The following SFSWAP variants were observed in gnomAD, a reference collection of about 807,000 sequenced individuals.
SFSWAP encodes splicing factor, suppressor of white-apricot homolog.
Under a neutral mutation model 100.7 loss-of-function variants are expected in SFSWAP, and 17 were observed. The observed-to-expected ratio is 0.17, with a 90% CI of 0.12 to 0.25. The LOEUF (loss-of-function observed/expected upper bound fraction) is 0.25. Among genes scored for constraint, SFSWAP ranks in the 10% least tolerant of loss-of-function variants. The probability of loss-of-function intolerance (pLI) is 1.00; values close to 1 mark genes in which losing one functional copy is unlikely to be tolerated. For missense variants in SFSWAP, 1,005 were observed against 1,262.6 expected (o/e 0.80, Z 3.09); for synonymous variants, 504 against 510.1 (o/e 0.99, Z 0.16).
chr12:131,770,329 G>A (rs961611753), intron 13 of SFSWAP, among the ~76,000 whole-genome samples: 2 of 152,202 alleles, frequency 1.3e-5, no homozygotes, highest in Non-Finnish European at 2.9e-5. Flanking sequence ...AGGGCACGTC[G>A]GCACCAGGAG....
Position 131,725,672 on chromosome 12 carries a change from T to TGTTGTGGGGGCGGCAGGCTGGGTG in SFSWAP, c.832+46_832+69dup. ...CTGTTCCGTCCAGACTTTGGGCCTG[T>TGTTGTGGGGGCGGCAGGCTGGGTG]GTTGTGGGGGCGGCAGGCTGGGTGG... On this transcript the variant is annotated intron_variant, in intron 5 of 17. Transcript: ENST00000261674. This position sits in a 1 kb window ranked among gnomAD's most constrained non-coding sequence, Gnocchi z 4.3. 2 of 1,477,176 alleles carry TGTTGTGGGGGCGGCAGGCTGGGTG rather than the reference T, an allele frequency of 1.4e-6. No individual in the cohort carries two copies. The highest frequency in any genetic ancestry group is 4.6e-5 in the East Asian group (2 of 43,244). The allele number at this position is 1,477,176 out of a possible 1,614,324, so 91.5% of individuals were successfully genotyped here.
rs762743632 is a variant in SFSWAP at position 131,728,386 on chromosome 12, G to A, written c.1039G>A (p.Gly347Ser). The A allele has an allele frequency of 1.6e-5, 26 of 1,614,234 alleles. No homozygotes were observed. Among genetic ancestry groups the A allele is most frequent in the Admixed American group, 1.3e-4 (8 of 60,024 alleles). The change falls in exon 7 of 18, where the codon GGT becomes AGT. Residue 347 changes from glycine (G) to serine (S), a missense_variant. Transcript: ENST00000261674. ...CACTCCCACCCCACACAACGCAGAC[G>A]GTGCGCCTGTGCAGCCCTCCCAGGT... Reference protein sequence around the residue: ...SSTPTPHNADGAPVQPSQVEY... With the variant: ...SSTPTPHNADSAPVQPSQVEY...
intron 7 of SFSWAP, among the ~76,000 whole-genome samples, chr12:131,743,771 C>T (rs1197276991): frequency 2.0e-5 from 3 of 152,256 alleles, no homozygotes; most frequent in Admixed American, 6.5e-5. Context: ...CTCCACACTG[C>T]CCTAGCAAAG....
intron 15 of SFSWAP, among the ~76,000 whole-genome samples, chr12:131,788,596 G>A (rs1358604527): frequency 6.7e-6 from 1 of 149,340 alleles, no homozygotes; most frequent in Admixed American, 6.7e-5. Flanking sequence ...CGTAATCACA[G>A]CTCACTGCAG....
At position 131,740,551 on chromosome 12, in the gene SFSWAP, C is replaced by T. The variant is rs146724001; in HGVS notation, c.1081+12123C>T. On this transcript the variant is annotated intron_variant, in intron 7 of 17. Coordinates refer to ENST00000261674, the MANE Select transcript of SFSWAP (RefSeq NM_004592.4). ...TGCCTCGAGCACCTTTCCTGTCCCACGCATTGGTGCCTCTGCTTGAAGGAC... is the reference window on the plus strand; with the variant it reads ...TGCCTCGAGCACCTTTCCTGTCCCATGCATTGGTGCCTCTGCTTGAAGGAC... Among the ~76,000 whole-genome samples the T allele has an allele frequency of 2.2e-4, 34 of 152,264 alleles. No homozygotes were observed. The East Asian group carries it at 4.2e-3, about 19-fold the overall frequency.
intron 9 of SFSWAP, 126 bp downstream of exon 9, chr12:131,754,625 G>GTAT: frequency 7.5e-5 from 10 of 133,112 alleles, no homozygotes; most frequent in Middle Eastern, 3.8e-3. Flanking sequence ...TGGCTCAAAT[G>GTAT]TCTTTTTTTT....
intron 14 of SFSWAP, among the ~76,000 whole-genome samples, chr12:131,780,146 G>A (rs942228243): frequency 2.6e-5 from 4 of 152,150 alleles, no homozygotes; most frequent in Non-Finnish European, 5.9e-5. Flanking sequence ...ACACTCCTCT[G>A]CAGTGAAATT....
At position 131,734,317 on chromosome 12, in the gene SFSWAP, C is replaced by T. The variant is rs1304291291; in HGVS notation, c.1081+5889C>T. On this transcript the variant is annotated intron_variant, in intron 7 of 17. Transcript: ENST00000261674. This position sits in a 1 kb window ranked among gnomAD's most constrained non-coding sequence, Gnocchi z 4.9. ...CAAAGTTACAGACTTTGGATTCTTA[C>T]GAAGACAAGAATGAATGTCTTGGCT... 3.3e-5 allele frequency among the ~76,000 whole-genome samples: 5 copies of T among 152,186 alleles called. No homozygotes were observed. The highest frequency in any genetic ancestry group is 5.9e-5 in the Non-Finnish European group (4 of 68,020).
intron 15 of SFSWAP, among the ~76,000 whole-genome samples, chr12:131,789,501 C>G (rs555684066): frequency 1.3e-5 from 2 of 151,916 alleles, no homozygotes; most frequent in Non-Finnish European, 2.9e-5. Context: ...AGCCACTGCA[C>G]CCCCCACCTG....
intron 7 of SFSWAP, among the ~76,000 whole-genome samples, chr12:131,749,079 A>G (rs1447137026): frequency 6.6e-6 from 1 of 152,228 alleles, no homozygotes. Flanking sequence ...AGATACTAAA[A>G]ACTTTATTAT....
At chr12:131,767,206 C>T (rs906290216) in intron 13 of SFSWAP, among the ~76,000 whole-genome samples, 5 of 150,702 alleles carry the variant, frequency 3.3e-5, no homozygotes, top group African/African-American at 7.3e-5. Flanking sequence ...TGCTCCCATG[C>T]GTGTCCGAGA....
chr12:131,754,697 G>A lies in SFSWAP; in HGVS notation c.1454+198G>A, dbSNP rs544302017. 1.6e-4 allele frequency among the ~76,000 whole-genome samples: 22 copies of A among 139,782 alleles called. No homozygotes were observed. The South Asian group carries it at 2.6e-3, about 16-fold the overall frequency. The allele number at this position is 139,782 out of a possible 152,430, so 91.7% of individuals were successfully genotyped here. On this transcript the variant is annotated intron_variant, in intron 9 of 17. Coordinates refer to ENST00000261674, the MANE Select transcript of SFSWAP (RefSeq NM_004592.4). ...CACCCAGGCTGGAGTGCAGTGGCGC[G>A]ATCTTGATTGACTGTAACCTCTACC...
At position 131,734,815 on chromosome 12, in the gene SFSWAP, G is replaced by A. The variant is rs535738596; in HGVS notation, c.1081+6387G>A. On this transcript the variant is annotated intron_variant, in intron 7 of 17. Coordinates refer to ENST00000261674, the MANE Select transcript of SFSWAP (RefSeq NM_004592.4). The surrounding 1 kb of genome is among the most constrained non-coding windows in gnomAD (Gnocchi z 4.9). ...TCCCTGCGTGCGCACGTCTACGTACGCTCGTGTATGCTGAGGAGCAGGCAT... is the reference window on the plus strand; with the variant it reads ...TCCCTGCGTGCGCACGTCTACGTACACTCGTGTATGCTGAGGAGCAGGCAT... Among the ~76,000 whole-genome samples, 3 of 152,086 alleles carry A rather than the reference G, an allele frequency of 2.0e-5. No individual in the cohort carries two copies. Among genetic ancestry groups the A allele is most frequent in the African/African-American group, 7.2e-5 (3 of 41,468 alleles).
At chr12:131,792,216 G>A (rs1380946027) in intron 15 of SFSWAP, among the ~76,000 whole-genome samples, 2 of 150,214 alleles carry the variant, frequency 1.3e-5, no homozygotes, top group Non-Finnish European at 2.9e-5. Flanking sequence ...TGTGTTCACG[G>A]ATCATTACTG....
intron 10 of SFSWAP, among the ~76,000 whole-genome samples, chr12:131,755,986 C>G (rs1459494273): frequency 1.3e-5 from 2 of 152,230 alleles, no homozygotes; most frequent in Admixed American, 6.5e-5. Flanking sequence ...CCTACAGCCC[C>G]CTCTTCTGCC....
chr12:131,734,907 G>A lies in SFSWAP; in HGVS notation c.1081+6479G>A, dbSNP rs1247856876. Among the ~76,000 whole-genome samples, 1 of 151,832 alleles carries A rather than the reference G, an allele frequency of 6.6e-6. No individual in the cohort carries two copies. The highest frequency in any genetic ancestry group is 1.5e-5 in the Non-Finnish European group (1 of 67,990). The stretch of plus-strand genomic sequence containing the variant: ...ATCTCAGCCGGCATGGCGCATGGGG[G>A]TGGGGTGGGGCAGTGAGGGGGGGCC... On this transcript the variant is annotated intron_variant, in intron 7 of 17. Coordinates refer to ENST00000261674, the MANE Select transcript of SFSWAP (RefSeq NM_004592.4). This position sits in a 1 kb window ranked among gnomAD's most constrained non-coding sequence, Gnocchi z 4.9.
intron 14 of SFSWAP, chr12:131,784,969 C>A: frequency 1.1e-6 from 1 of 903,650 alleles, no homozygotes; most frequent in Non-Finnish European, 1.6e-6. Flanking sequence ...AAGCATTCCC[C>A]AGCCGCTATA....
intron 14 of SFSWAP, among the ~76,000 whole-genome samples, chr12:131,781,117 T>C (rs1884463643): frequency 6.6e-6 from 1 of 152,200 alleles, no homozygotes; most frequent in Non-Finnish European, 1.5e-5. Context: ...GTAGAAAAGG[T>C]CATTTTACAT....
intron 7 of SFSWAP, among the ~76,000 whole-genome samples, chr12:131,740,062 G>T (rs11246786): frequency 0.059 from 8,905 of 152,198 alleles, 558 homozygotes; most frequent in East Asian, 0.28. Flanking sequence ...TAAAACTCTT[G>T]GGTAATGCTG....
Sources: gnomAD v4.1 joint callset for allele counts (sites outside exome capture counted in the v4.1 genomes callset) on GRCh38, gnomAD v4.1.1 for gene constraint, Gnocchi (gnomAD v3.1) non-coding constraint, MANE v1.5 for transcripts, NCBI Gene and HGNC (gene_info 2026-07-23, HGNC 2026-07-21) for gene names.